The following CAMK2D variants were observed in gnomAD, a reference collection of about 807,000 sequenced individuals.
The protein encoded by CAMK2D is calcium/calmodulin dependent protein kinase II delta, also known as calcium/calmodulin-dependent protein kinase type II subunit delta.
In CAMK2D, 37 loss-of-function variants were observed where a neutral mutation model predicts 84.0. The ratio of observed to expected loss-of-function variants is 0.44; its 90% CI spans 0.34 to 0.58. CAMK2D has a LOEUF of 0.58. CAMK2D is among the 20% of genes least tolerant of loss of function. The pLI is 0.02. For synonymous variants in CAMK2D, 202 were observed against 212.5 expected (o/e 0.95, Z 0.43); for missense variants, 448 against 652.5 (o/e 0.69, Z 3.41).
chr4:113,668,252 C>T (rs1273583557), intron 2 of CAMK2D, among the ~76,000 whole-genome samples: 1 of 152,108 alleles, frequency 6.6e-6, no homozygotes. Flanking sequence ...AACGAAGGTC[C>T]CTAATTTTGT....
At chr4:113,580,107 AT>A (rs2098801076) in intron 4 of CAMK2D, among the ~76,000 whole-genome samples, 1 of 152,214 alleles carries the variant, frequency 6.6e-6, no homozygotes, top group Non-Finnish European at 1.5e-5. Context: ...GTAATCCCTC[AT>A]TTATTTTATT....
At chr4:113,638,882 T>A (rs1004262159) in intron 3 of CAMK2D, among the ~76,000 whole-genome samples, 1 of 152,110 alleles carries the variant, frequency 6.6e-6, no homozygotes, top group Non-Finnish European at 1.5e-5. Flanking sequence ...AATGTAAAAA[T>A]CTACTTCCTC....
intron 6 of CAMK2D, among the ~76,000 whole-genome samples, chr4:113,546,478 G>A (rs1022931259): frequency 6.6e-6 from 1 of 152,126 alleles, no homozygotes; most frequent in Non-Finnish European, 1.5e-5. Flanking sequence ...TCAAAAGATT[G>A]CAGAAAACTA....
chr4:113,520,979 T>A (rs902392924), intron 8 of CAMK2D, among the ~76,000 whole-genome samples: 5 of 144,590 alleles, frequency 3.5e-5, no homozygotes, highest in African/African-American at 4.9e-5. Flanking sequence ...CAGTGAACCA[T>A]GATCACATCA....
At chr4:113,567,701 T>A (rs2098732473) in intron 4 of CAMK2D, among the ~76,000 whole-genome samples, 1 of 152,228 alleles carries the variant, frequency 6.6e-6, no homozygotes, top group Non-Finnish European at 1.5e-5. Flanking sequence ...CTTAGCTATT[T>A]AGCTGTGTGA....
chr4:113,754,186 T>G, intron 2 of CAMK2D: 10 of 952,970 alleles, frequency 1.0e-5, no homozygotes, highest in Non-Finnish European at 1.2e-5. Flanking sequence ...ACTTAAAATC[T>G]TTAACACAGC....
intron 4 of CAMK2D, among the ~76,000 whole-genome samples, chr4:113,557,944 C>T (rs1270334727): frequency 6.6e-6 from 1 of 152,138 alleles, no homozygotes; most frequent in Non-Finnish European, 1.5e-5. Context: ...TTAGTGAGTG[C>T]CCTGATGGGG....
intron 4 of CAMK2D, among the ~76,000 whole-genome samples, chr4:113,582,610 C>T (rs1004251759): frequency 1.3e-5 from 2 of 152,076 alleles, no homozygotes; most frequent in Non-Finnish European, 1.5e-5. Flanking sequence ...AAAAAATTTG[C>T]CTTTAAGAGG....
intron 4 of CAMK2D, among the ~76,000 whole-genome samples, chr4:113,579,682 T>C (rs938710949): frequency 1.3e-5 from 2 of 152,244 alleles, no homozygotes; most frequent in African/African-American, 4.8e-5. Flanking sequence ...AGCACTATGC[T>C]TCTTGTACAG....
intron 18 of CAMK2D, 38 bp from the exon 19 acceptor site, chr4:113,457,601 T>C (rs1208474393): frequency 6.4e-7 from 1 of 1,568,088 alleles, no homozygotes; most frequent in Non-Finnish European, 8.8e-7. Context: ...ATTTAGTTTC[T>C]ATGTAAAGGA....
chr4:113,473,504 T>C (rs1466770711), intron 16 of CAMK2D, among the ~76,000 whole-genome samples: 3 of 152,214 alleles, frequency 2.0e-5, no homozygotes, highest in Non-Finnish European at 4.4e-5. Context: ...TAATATTTTA[T>C]TCAAATATAA....
At chr4:113,680,621 T>C (rs779310139) in intron 2 of CAMK2D, among the ~76,000 whole-genome samples, 9 of 152,166 alleles carry the variant, frequency 5.9e-5, no homozygotes, top group Non-Finnish European at 1.3e-4. Flanking sequence ...AACTCTAGGG[T>C]AAGTTCCTCT....
chr4:113,575,592 C>T (rs1375384845), intron 4 of CAMK2D, among the ~76,000 whole-genome samples: 1 of 152,170 alleles, frequency 6.6e-6, no homozygotes, highest in African/African-American at 2.4e-5. Flanking sequence ...TGTCAAACCA[C>T]AATGTTTTTG....
intron 2 of CAMK2D, among the ~76,000 whole-genome samples, chr4:113,731,778 G>T (rs1266202025): frequency 6.6e-6 from 1 of 151,960 alleles, no homozygotes; most frequent in African/African-American, 2.4e-5. Context: ...TAGAGATGGG[G>T]TTTCACCATG....
chr4:113,760,548 T>A lies in CAMK2D; in HGVS notation c.65+456A>T, dbSNP rs540752827. Among the ~76,000 whole-genome samples, 8 of 152,062 alleles carry A rather than the reference T, an allele frequency of 5.3e-5. No individual in the cohort carries two copies. The East Asian group carries it at 1.5e-3, about 29-fold the overall frequency. On this transcript the variant is annotated intron_variant, in intron 1 of 20. Transcript: ENST00000511664. ...ATATGGCACCGTCTGAGGCTGTGAG[T>A]TCTCATCAGTACCTGGGTCATACGG...
intron 4 of CAMK2D, among the ~76,000 whole-genome samples, chr4:113,593,551 G>A (rs2098904943): frequency 6.6e-6 from 1 of 152,188 alleles, no homozygotes. Flanking sequence ...TTACTTCCAA[G>A]AGTTGTATCA....
intron 6 of CAMK2D, among the ~76,000 whole-genome samples, chr4:113,544,455 A>ATGCAGACTTGG (rs1294433068): frequency 3.3e-5 from 5 of 152,216 alleles, no homozygotes; most frequent in South Asian, 2.1e-4. Flanking sequence ...GTTATTAAGC[A>ATGCAGACTTGG]TGCAGACTTG....
chr4:113,490,609 C>T (rs117443583), intron 16 of CAMK2D, among the ~76,000 whole-genome samples: 89,282 of 149,042 alleles, frequency 0.6, 28,821 homozygotes, highest in African/African-American at 0.84. Context: ...TGGCTTAGGA[C>T]TGACTTGGCG....
At chr4:113,538,077 CT>C (rs898616855) in intron 6 of CAMK2D, among the ~76,000 whole-genome samples, 113 of 148,528 alleles carry the variant, frequency 7.6e-4, no homozygotes, top group Middle Eastern at 3.5e-3. Context: ...TTATAGTCAG[CT>C]TTTTTTTTTC....
Sources: gnomAD v4.1 joint callset for allele counts (sites outside exome capture counted in the v4.1 genomes callset) on GRCh38, gnomAD v4.1.1 for gene constraint, MANE v1.5 for transcripts, NCBI Gene and HGNC (gene_info 2026-07-23, HGNC 2026-07-21) for gene names.